Variants in STAT5B observed in about 807,000 individuals in gnomAD.
STAT5B encodes the protein transcription factor STAT5B.
A neutral mutation model predicts 107.8 loss-of-function variants in STAT5B; 21 were observed. The ratio of observed to expected loss-of-function variants is 0.19; its 90% confidence interval spans 0.14 to 0.28. STAT5B has a LOEUF of 0.28. STAT5B is among the 10% of genes least tolerant of loss of function. The pLI is 1.00. For missense variants in STAT5B, 565 were observed against 1,008.2 expected, an observed-to-expected ratio of 0.56 and a Z score of 5.95; for synonymous variants, 325 against 401.7, an observed-to-expected ratio of 0.81 and a Z score of 2.28.
chr17:42,240,103 C>G (rs930942575), intron 1 of STAT5B, among the ~76,000 whole-genome samples: 23 of 152,208 alleles, frequency 1.5e-4, no homozygotes, highest in African/African-American at 5.5e-4. Context: ...CCACTGCACT[C>G]CAGCCTGGAT....
intron 2 of STAT5B, among the ~76,000 whole-genome samples, chr17:42,231,117 AATTAT>A (rs1330992089): frequency 6.6e-6 from 1 of 152,118 alleles, no homozygotes; most frequent in African/African-American, 2.4e-5. Context: ...ATAAGAAATA[AATTAT>A]AATTAAATTA....
chr17:42,227,711 G>A, intron 2 of STAT5B, 26 bp from the exon 3 acceptor site: 1 of 1,612,442 alleles, frequency 6.2e-7, no homozygotes, highest in Non-Finnish European at 8.5e-7. Context: ...TACATAATCT[G>A]TATACATACA....
At chr17:42,261,213 AC>A in intron 1 of STAT5B, among the ~76,000 whole-genome samples, 1 of 152,080 alleles carries the variant, frequency 6.6e-6, no homozygotes, top group Non-Finnish European at 1.5e-5. Flanking sequence ...TGGCCAGAAA[AC>A]ATAATTTTGA....
intron 1 of STAT5B, among the ~76,000 whole-genome samples, chr17:42,253,676 T>C (rs1192521354): frequency 6.6e-6 from 1 of 152,102 alleles, no homozygotes; most frequent in Non-Finnish European, 1.5e-5. Flanking sequence ...TGGTTTTGGA[T>C]GATGATGATT....
intron 5 of STAT5B, 125 bp from the exon 6 acceptor site, chr17:42,219,967 C>A (rs1310377237): frequency 3.4e-6 from 5 of 1,490,804 alleles, no homozygotes; most frequent in Non-Finnish European, 2.7e-6. Flanking sequence ...AAGGGCAAGT[C>A]GGGGTTCCTG....
rs1266694436 is a variant in STAT5B at position 42,276,056 on chromosome 17, C to A, written c.-11+192G>T. On this transcript the variant is annotated intron_variant, in intron 1 of 18. Transcript: ENST00000293328. This position sits in a 1 kb window ranked among gnomAD's most constrained non-coding sequence, Gnocchi z 4.8. ...GCACCCCGCATTGCCCTCAGCCTCC[C>A]CGGCAGCCAACCCGGACCCCCTCTC... Among the ~76,000 whole-genome samples the A allele has an allele frequency of 6.6e-6, 1 of 151,366 alleles. No individual in the cohort carries two copies. The highest frequency in any genetic ancestry group is 1.5e-5 in the Non-Finnish European group (1 of 67,752).
chr17:42,262,964 GTGTGTGTATATATATATATATATA>G (rs1372979482), intron 1 of STAT5B, among the ~76,000 whole-genome samples: 7 of 39,370 alleles, frequency 1.8e-4, no homozygotes, highest in Non-Finnish European at 3.2e-4. Flanking sequence ...GTGTGTGTGT[GTGTGTGTATATATATATATATATA>G]TATATATATA....
chr17:42,255,583 A>G (rs1250269079), intron 1 of STAT5B, among the ~76,000 whole-genome samples: 1 of 152,220 alleles, frequency 6.6e-6, no homozygotes, highest in Non-Finnish European at 1.5e-5. Context: ...TTCCACTGAT[A>G]TAAGATGCCT....
chr17:42,226,381 C>T (rs1046896857), intron 3 of STAT5B, among the ~76,000 whole-genome samples: 3 of 152,110 alleles, frequency 2.0e-5, no homozygotes, highest in Non-Finnish European at 4.4e-5. Flanking sequence ...GGGAAAAATA[C>T]CCTAAAGGAC....
chr17:42,259,521 T>A (rs1312619304), intron 1 of STAT5B, among the ~76,000 whole-genome samples: 1 of 152,014 alleles, frequency 6.6e-6, no homozygotes, highest in Non-Finnish European at 1.5e-5. Flanking sequence ...GCGCGGTGGC[T>A]CACGCCTGTA....
At chr17:42,244,042 T>A (rs901245111) in intron 1 of STAT5B, among the ~76,000 whole-genome samples, 2 of 152,096 alleles carry the variant, frequency 1.3e-5, no homozygotes, top group African/African-American at 4.8e-5. Context: ...GATTTGAAGC[T>A]GCCATGTAGT....
In STAT5B at chr17:42,263,013, TATAA is replaced by T. The variant is rs1336788530; in HGVS notation, c.-11+13231_-11+13234del. ...ATATATATATATATATATATATATA[TATAA>T]AAAAACAAAAACAATTTTTTTTTTT... is the stretch of plus-strand genomic sequence containing the variant. On this transcript the variant is annotated intron_variant, in intron 1 of 18. Coordinates refer to ENST00000293328, the MANE Select transcript of STAT5B (RefSeq NM_012448.4). Among the ~76,000 whole-genome samples the T allele has an allele frequency of 1.8e-3, 69 of 39,180 alleles. 1 individual carries two copies. Among genetic ancestry groups the T allele is most frequent in the East Asian group, 7.5e-3 (10 of 1,342 alleles). The allele number at this position is 39,180 out of a possible 152,430, so 25.7% of individuals were successfully genotyped here. A position where few individuals can be genotyped will look rare whatever the true frequency, so the allele number is the denominator to read the frequency against.
Position 42,207,671 on chromosome 17 carries a change from G to A in STAT5B, c.1964C>T (p.Ser655Phe). ...CAAGTCTCCCAAGCGGTCGGCTAGG[G>A]ACCGAATGGAGAAGTCTCTGGTGGT... The part of the protein sequence containing the change: ...PFTTRDFSIR[S>F]LADRLGDLNY... The change falls in exon 16 of 19, where the codon TCC becomes TTC. Residue 655 changes from serine (S) to phenylalanine (F), a missense_variant. By Grantham distance (155) the Ser-to-Phe change is radical. This residue lies in a region of STAT5B where 38 missense variants were observed against 79.5 expected (regional missense o/e 0.48). Coordinates refer to ENST00000293328, the MANE Select transcript of STAT5B (RefSeq NM_012448.4). 6.2e-7 allele frequency: 1 copy of A among 1,614,076 alleles called. No homozygotes were observed. Among genetic ancestry groups the A allele is most frequent in the Non-Finnish European group, 8.5e-7 (1 of 1,180,030 alleles).
intron 1 of STAT5B, among the ~76,000 whole-genome samples, chr17:42,270,195 C>T (rs1367739408): frequency 6.6e-6 from 1 of 152,054 alleles, no homozygotes; most frequent in African/African-American, 2.4e-5. Flanking sequence ...GGTGACAGAG[C>T]GAGGCTCTGT....
chr17:42,220,905 C>T (rs1042319271), intron 5 of STAT5B, among the ~76,000 whole-genome samples: 10 of 143,068 alleles, frequency 7.0e-5, no homozygotes, highest in African/African-American at 1.0e-4. Context: ...CCACCGCAGG[C>T]CCACCCCACC....
intron 3 of STAT5B, 77 bp from the exon 4 acceptor site, chr17:42,224,945 C>A: frequency 1.4e-6 from 2 of 1,470,310 alleles, no homozygotes; most frequent in Non-Finnish European, 1.9e-6. Context: ...GGATGGGGAG[C>A]CTCCTGAGGG....
At chr17:42,216,550 G>T (rs1423795221) in intron 11 of STAT5B, among the ~76,000 whole-genome samples, 2 of 151,862 alleles carry the variant, frequency 1.3e-5, no homozygotes, top group Non-Finnish European at 2.9e-5. Flanking sequence ...TTTTTAATTT[G>T]TTGTTGTTGT....
intron 3 of STAT5B, among the ~76,000 whole-genome samples, chr17:42,226,780 C>T (rs2080275572): frequency 7.0e-6 from 1 of 142,078 alleles, no homozygotes; most frequent in African/African-American, 2.7e-5. Flanking sequence ...TGCACTCCAG[C>T]CTGGGCAACA....
At chr17:42,221,399 C>A (rs753453497) in intron 5 of STAT5B, among the ~76,000 whole-genome samples, 16 of 152,244 alleles carry the variant, frequency 1.1e-4, no homozygotes, top group Admixed American at 3.3e-4. Flanking sequence ...TTTCCCTACT[C>A]CACTGGAGGC....
Sources: gnomAD v4.1 joint callset for allele counts (sites outside exome capture counted in the v4.1 genomes callset) on GRCh38, gnomAD v4.1.1 for gene constraint, gnomAD v4.1.1 regional missense constraint, Gnocchi (gnomAD v3.1) non-coding constraint, MANE v1.5 for transcripts, NCBI Gene and HGNC (gene_info 2026-07-23, HGNC 2026-07-21) for gene names.